CNOT10: variants seen among roughly 807,000 people sequenced by gnomAD.
CNOT10 encodes CCR4-NOT transcription complex, subunit 10.
In CNOT10, 30 loss-of-function variants were observed where a neutral mutation model predicts 94.6. The ratio of observed to expected loss-of-function variants is 0.32; its 90% CI spans 0.24 to 0.43. The LOEUF (loss-of-function observed/expected upper bound fraction) is 0.43, where lower values mean the gene tolerates loss of function less well. Ranked by LOEUF, CNOT10 falls within the 20% of genes least tolerant of loss-of-function variation. The probability of loss-of-function intolerance (pLI) is 1.00; values close to 1 mark genes in which losing one functional copy is unlikely to be tolerated. For synonymous variants in CNOT10, 289 were observed against 301.6 expected (o/e 0.96, Z 0.43); for missense variants, 759 against 877.2 (o/e 0.87, Z 1.70).
intron 5 of CNOT10, chr3:32,716,008 T>C (rs1698101681): frequency 5.2e-6 from 2 of 384,362 alleles, no homozygotes; most frequent in Non-Finnish European, 9.4e-6. Context: ...GATTTTGCCA[T>C]GTTACTCAAG....
At chr3:32,711,392 T>C (rs778241219) in intron 4 of CNOT10, among the ~76,000 whole-genome samples, 2 of 152,216 alleles carry the variant, frequency 1.3e-5, no homozygotes, top group African/African-American at 2.4e-5. Flanking sequence ...TTATACCATA[T>C]TGTTTAGGGA....
chr3:32,709,859 T>C (rs1016002696), intron 4 of CNOT10, among the ~76,000 whole-genome samples: 1 of 152,104 alleles, frequency 6.6e-6, no homozygotes, highest in East Asian at 1.9e-4. Flanking sequence ...TATTAAAATA[T>C]AAATATGCCC....
At position 32,727,081 on chromosome 3, in the gene CNOT10, G is replaced by A. The variant is rs554480864; in HGVS notation, c.1013-587G>A. 3.3e-5 allele frequency among the ~76,000 whole-genome samples: 5 copies of A among 152,026 alleles called. 1 individual carries two copies. The South Asian group carries it at 1.0e-3, about 32-fold the overall frequency. ...AGTCTGGTTTTGAACTCCTGACTTC[G>A]TGATCTGCCCGCCTTGGCCTCCCAA... On this transcript the variant is annotated intron_variant, in intron 9 of 18. Transcript: ENST00000328834.
At chr3:32,695,781 T>C (rs1697022783) in intron 1 of CNOT10, 2 of 1,535,818 alleles carry the variant, frequency 1.3e-6, no homozygotes, top group African/African-American at 2.7e-5. Context: ...GAGACTACTT[T>C]TGGGCAAATA....
At chr3:32,717,107 T>A in intron 6 of CNOT10, 47 bp from the exon 7 acceptor site, 1 of 1,119,156 alleles carries the variant, frequency 8.9e-7, no homozygotes. Context: ...TAAAACTGTA[T>A]GTAAATCCAC....
chr3:32,759,410 A>C, intron 13 of CNOT10, 48 bp from the exon 14 acceptor site: 1 of 1,273,442 alleles, frequency 7.9e-7, no homozygotes, highest in Admixed American at 1.8e-5. Flanking sequence ...TATAACCATT[A>C]TCAATGTTTA....
In CNOT10 at chr3:32,738,577, C is replaced by T. The variant is rs185791853; in HGVS notation, c.1595+1087C>T. ...TCCTGGGTTCACACCATTCTCCTGC[C>T]TCAACCTCCCGAGTAGCTGGGACTA... On this transcript the variant is annotated intron_variant, in intron 13 of 18. Transcript: ENST00000328834. Among the ~76,000 whole-genome samples, 38 of 151,932 alleles carry T rather than the reference C, an allele frequency of 2.5e-4. No individual in the cohort carries two copies. In the East Asian group the frequency reaches 6.4e-3, roughly 26 times the overall value.
chr3:32,726,715 A>AATC (rs1421696431), intron 9 of CNOT10, among the ~76,000 whole-genome samples: 1 of 149,504 alleles, frequency 6.7e-6, no homozygotes, highest in Non-Finnish European at 1.5e-5. Flanking sequence ...TAATAATAAT[A>AATC]ATAATAATAA....
chr3:32,723,370 C>A (rs1171052517), intron 8 of CNOT10, among the ~76,000 whole-genome samples: 1 of 146,306 alleles, frequency 6.8e-6, no homozygotes, highest in Non-Finnish European at 1.5e-5. Context: ...CCAGCCTGGG[C>A]GACAGAGTGA....
intron 1 of CNOT10, among the ~76,000 whole-genome samples, chr3:32,694,063 G>A (rs969430964): frequency 1.3e-5 from 2 of 151,114 alleles, no homozygotes; most frequent in Non-Finnish European, 2.9e-5. Context: ...GTCTTTTTAA[G>A]TCTAGCAATT....
Position 32,720,221 on chromosome 3 carries a change from C to T in CNOT10, c.852C>T (p.Phe284=). The part of the protein sequence containing the change: ...NSSNIAEHPG[F]MKTGECLRCM... ...CAAACATTGCTGAGCATCCAGGATTCATGAAAACAGGTAAAAGAAAATTGT... is the reference window on the plus strand; with the variant it reads ...CAAACATTGCTGAGCATCCAGGATTTATGAAAACAGGTAAAAGAAAATTGT... The change falls in exon 8 of 19, where the codon TTC becomes TTT. Residue 284 remains phenylalanine (F), a synonymous_variant. Coordinates refer to ENST00000328834, the MANE Select transcript of CNOT10 (RefSeq NM_015442.3). The T allele has an allele frequency of 1.3e-6, 2 of 1,492,780 alleles. No homozygotes were observed. The highest frequency in any genetic ancestry group is 2.7e-5 in the African/African-American group (2 of 73,542). 92.5% of individuals were successfully genotyped at this position (1,492,780 alleles called of 1,614,324 possible). A position where few individuals can be genotyped will look rare whatever the true frequency, so the allele number is the denominator to read the frequency against.
At chr3:32,695,458 G>C in intron 1 of CNOT10, 1 of 970,034 alleles carries the variant, frequency 1.0e-6, no homozygotes, top group Non-Finnish European at 1.5e-6. Context: ...CAGTGGAGCT[G>C]TATTTTGATG....
chr3:32,757,861 C>T (rs566768775), intron 13 of CNOT10, among the ~76,000 whole-genome samples: 1 of 152,316 alleles, frequency 6.6e-6, no homozygotes, highest in Admixed American at 6.5e-5. Context: ...AGTGGCACTA[C>T]TTGCTGGCTC....
Position 32,713,347 on chromosome 3 carries a change from A to G in CNOT10, c.551A>G (p.Asn184Ser), listed in dbSNP as rs771625796. The G allele has an allele frequency of 1.4e-5, 23 of 1,596,596 alleles. No homozygotes were observed. The East Asian group carries it at 3.4e-4, about 23-fold the overall frequency. Residue 184 changes from asparagine to serine, a missense_variant, in exon 5 of 19, where the codon AAT (asparagine) becomes AGT (serine). Physicochemically the swap from Asn to Ser is conservative, Grantham distance 46. Around this residue, in one of 3 missense-constraint regions of CNOT10, gnomAD observed 682 missense variants for 799.4 expected, o/e 0.85. Coordinates refer to ENST00000328834, the MANE Select transcript of CNOT10 (RefSeq NM_015442.3). ...GAAAAAATGATTTCACAGGGTAACAATAACAAAAATGGAAAGAATGAGGTG... is the reference window on the plus strand; with the variant it reads ...GAAAAAATGATTTCACAGGGTAACAGTAACAAAAATGGAAAGAATGAGGTG... ...VLEKMISQGN[N>S]NKNGKNETGN...
chr3:32,728,508 G>A (rs1035108128), intron 10 of CNOT10, among the ~76,000 whole-genome samples: 7 of 151,942 alleles, frequency 4.6e-5, no homozygotes, highest in African/African-American at 1.7e-4. Context: ...AGCTATTCAA[G>A]AGGCTGAAGC....
At chr3:32,690,967 C>T (rs1696823330) in intron 1 of CNOT10, among the ~76,000 whole-genome samples, 1 of 148,476 alleles carries the variant, frequency 6.7e-6, no homozygotes, top group Non-Finnish European at 1.5e-5. Context: ...TATATTTTAC[C>T]ATATTTGCTT....
intron 13 of CNOT10, chr3:32,753,940 T>A: frequency 4.3e-6 from 4 of 928,568 alleles, no homozygotes; most frequent in Admixed American, 2.5e-5. Flanking sequence ...ACACACAAAA[T>A]ATAAAAATTA....
chr3:32,762,342 T>C (rs899460464), intron 14 of CNOT10, among the ~76,000 whole-genome samples: 2 of 151,892 alleles, frequency 1.3e-5, no homozygotes, highest in Non-Finnish European at 2.9e-5. Context: ...TGATCACTGC[T>C]CACTGCAGCC....
At chr3:32,769,260 A>C (rs563824754) in intron 17 of CNOT10, 5 of 152,740 alleles carry the variant, frequency 3.3e-5, no homozygotes, top group African/African-American at 1.2e-4. Flanking sequence ...AAAGAGGCCC[A>C]GACTGAGGAA....
Sources: gnomAD v4.1 joint callset for allele counts (sites outside exome capture counted in the v4.1 genomes callset) on GRCh38, gnomAD v4.1.1 for gene constraint, gnomAD v4.1.1 regional missense constraint, MANE v1.5 for transcripts, NCBI Gene and HGNC (gene_info 2026-07-23, HGNC 2026-07-21) for gene names.